BCL7C: variants seen among roughly 807,000 people sequenced by gnomAD.
The protein encoded by BCL7C is B-cell CLL/lymphoma 7 protein family member C.
Under a neutral mutation model 26.2 loss-of-function variants are expected in BCL7C, and 8 were observed. The ratio of observed to expected loss-of-function variants is 0.30; its 90% CI spans 0.18 to 0.55. The LOEUF is 0.55. BCL7C is among the 20% of genes least tolerant of loss of function. BCL7C has a pLI of 0.93. For synonymous variants in BCL7C, 90 were observed against 116.5 expected, an observed-to-expected ratio of 0.77 and a Z score of 1.47; for missense variants, 262 against 298.5, an observed-to-expected ratio of 0.88 and a Z score of 0.90.
intron 5 of BCL7C, among the ~76,000 whole-genome samples, chr16:30,882,500 A>G (rs1033050645): frequency 7.9e-5 from 12 of 152,012 alleles, no homozygotes; most frequent in Non-Finnish European, 1.8e-4. Flanking sequence ...AGACTTGAAA[A>G]CTGCTTTGGC....
intron 5 of BCL7C, among the ~76,000 whole-genome samples, chr16:30,877,896 C>G (rs1380114282): frequency 6.6e-6 from 1 of 150,840 alleles, no homozygotes; most frequent in South Asian, 2.1e-4. Flanking sequence ...GGCCCTTGGC[C>G]GGGCGCAGTG....
intron 5 of BCL7C, among the ~76,000 whole-genome samples, chr16:30,882,054 G>A (rs2143098995): frequency 6.6e-6 from 1 of 151,894 alleles, no homozygotes; most frequent in African/African-American, 2.4e-5. Flanking sequence ...TCCGCCTCCA[G>A]GGTTCAAGTG....
chr16:30,864,832 TC>T (rs1265117396), intron 5 of BCL7C, among the ~76,000 whole-genome samples: 3 of 137,314 alleles, frequency 2.2e-5, no homozygotes, highest in Middle Eastern at 4.6e-3. Flanking sequence ...CGATATATTC[TC>T]CCCCCCACCC....
intron 5 of BCL7C, among the ~76,000 whole-genome samples, chr16:30,836,877 C>T (rs1181128563): frequency 6.6e-6 from 1 of 151,684 alleles, no homozygotes; most frequent in African/African-American, 2.4e-5. Flanking sequence ...CACTGCATCC[C>T]CTGCCTACCA....
At chr16:30,863,509 G>T (rs72799321) in intron 5 of BCL7C, among the ~76,000 whole-genome samples, 22,818 of 152,122 alleles carry the variant, frequency 0.15, 2,198 homozygotes, top group Non-Finnish European at 0.22. Flanking sequence ...TCCAAAGGAA[G>T]CTGGAGTCAA....
At chr16:30,850,259 C>CA (rs1295400069) in intron 5 of BCL7C, among the ~76,000 whole-genome samples, 3 of 151,658 alleles carry the variant, frequency 2.0e-5, no homozygotes, top group Non-Finnish European at 2.9e-5. Context: ...ATATGCCTTC[C>CA]AAATTGCTGG....
At chr16:30,876,650 C>T (rs2054954471) in intron 5 of BCL7C, among the ~76,000 whole-genome samples, 1 of 151,944 alleles carries the variant, frequency 6.6e-6, no homozygotes, top group African/African-American at 2.4e-5. Flanking sequence ...GTTTGAAGGT[C>T]AGGGAACCTT....
At chr16:30,842,732 C>A (rs1439952334) in intron 5 of BCL7C, among the ~76,000 whole-genome samples, 1 of 152,146 alleles carries the variant, frequency 6.6e-6, no homozygotes, top group African/African-American at 2.4e-5. Context: ...CCGCTCCCAG[C>A]TAATTTTTTG....
At chr16:30,837,493 G>A (rs541120988) in intron 5 of BCL7C, among the ~76,000 whole-genome samples, 28 of 151,990 alleles carry the variant, frequency 1.8e-4, no homozygotes, top group Admixed American at 3.9e-4. Context: ...GATTACAGGC[G>A]CCCACCACCA....
At position 30,893,868 on chromosome 16, in the gene BCL7C, T is replaced by C. The variant is rs747017961; in HGVS notation, c.77A>G (p.Glu26Gly). ...CAGCGCTCACCATCTCCGGACCTTC[T>C]CGATGGTCGCCATCACCTTCTTGAT... ...DDIKKVMATI[E>G]KVRRWEKRWV... The change falls in exon 1 of 6, where the codon GAG (glutamate) becomes GGG (glycine). Residue 26 changes from glutamate to glycine, a missense_variant. Physicochemically the swap from Glu to Gly is moderately conservative, Grantham distance 98. Coordinates refer to ENST00000215115, the MANE Select transcript of BCL7C (RefSeq NM_004765.4). The surrounding 1 kb of genome is among the most constrained non-coding windows in gnomAD (Gnocchi z 5.2). 3.1e-6 allele frequency: 5 copies of C among 1,602,282 alleles called. No individual in the cohort carries two copies. The highest frequency in any genetic ancestry group is 3.4e-6 in the Non-Finnish European group (4 of 1,179,186).
In BCL7C at chr16:30,893,084, C is replaced by G. The variant is rs962293372; in HGVS notation, c.171+128G>C. The G allele has an allele frequency of 2.4e-6, 3 of 1,229,868 alleles. No individual in the cohort carries two copies. The African/African-American group carries it at 4.5e-5, about 19-fold the overall frequency. 76.2% of individuals were successfully genotyped at this position (1,229,868 alleles called of 1,614,324 possible). On this transcript the variant is annotated intron_variant, in intron 2 of 5. Transcript: ENST00000215115. The surrounding 1 kb of genome is among the most constrained non-coding windows in gnomAD (Gnocchi z 5.2). ...AAAGAGGGCAAAAGGGGAGGAGCTG[C>G]TAATGATGGTTCCCGTCTGTCCTGC... is the stretch of plus-strand genomic sequence containing the variant.
intron 5 of BCL7C, among the ~76,000 whole-genome samples, chr16:30,862,117 T>C (rs1228764750): frequency 1.3e-5 from 2 of 152,034 alleles, no homozygotes; most frequent in African/African-American, 4.8e-5. Context: ...ATTACAGGTG[T>C]GAGCCACCGC....
chr16:30,859,415 C>G (rs953348916), intron 5 of BCL7C, among the ~76,000 whole-genome samples: 2 of 152,152 alleles, frequency 1.3e-5, no homozygotes, highest in African/African-American at 4.8e-5. Flanking sequence ...GCTAGCAGTT[C>G]AAGACCAGCC....
At chr16:30,852,194 T>C (rs1315869205) in intron 5 of BCL7C, 2 of 155,446 alleles carry the variant, frequency 1.3e-5, no homozygotes, top group Admixed American at 1.3e-4. Flanking sequence ...GTACTATATG[T>C]TCATTAGCAG....
Position 30,893,273 on chromosome 16 carries a change from G to A in BCL7C, c.110C>T (p.Thr37Ile), listed in dbSNP as rs1470877744. 6.2e-7 allele frequency: 1 copy of A among 1,613,518 alleles called. No homozygotes were observed. The highest frequency in any genetic ancestry group is 8.5e-7 in the Non-Finnish European group (1 of 1,179,712). The change falls in exon 2 of 6, where the codon ACT (threonine) becomes ATT (isoleucine). Residue 37 changes from threonine to isoleucine, a missense_variant. Thr to Ile is a moderately conservative substitution (Grantham distance 89). Coordinates refer to ENST00000215115, the MANE Select transcript of BCL7C (RefSeq NM_004765.4). This position sits in a 1 kb window ranked among gnomAD's most constrained non-coding sequence, Gnocchi z 5.2. Reference sequence around the variant, plus strand: ...GATACGAAGGGAAGTGTCGCCCACAGTCACCCATCGCTTCTCCCTGTGGGA... The same window carrying A: ...GATACGAAGGGAAGTGTCGCCCACAATCACCCATCGCTTCTCCCTGTGGGA... ...KVRRWEKRWVTVGDTSLRIFK... is the reference protein window; with the variant it reads ...KVRRWEKRWVIVGDTSLRIFK...
intron 5 of BCL7C, 114 bp downstream of exon 5, chr16:30,888,746 T>C (rs1000901449): frequency 3.2e-6 from 3 of 926,802 alleles, no homozygotes; most frequent in Non-Finnish European, 3.3e-6. Context: ...CCTTCAGCTC[T>C]GTCCCAGGTC....
intron 5 of BCL7C, chr16:30,851,909 G>A (rs2054678133): frequency 5.0e-6 from 1 of 199,674 alleles, no homozygotes. Context: ...TAGAATAAGA[G>A]AAGATGACAC....
chr16:30,868,345 G>A (rs534654689), intron 5 of BCL7C, among the ~76,000 whole-genome samples: 8 of 145,558 alleles, frequency 5.5e-5, no homozygotes, highest in South Asian at 2.2e-4. Flanking sequence ...CACCATGTTA[G>A]CCAGGATGGT....
downstream of BCL7C, among the ~76,000 whole-genome samples, chr16:30,885,760 A>G (rs2055123385): frequency 6.6e-6 from 1 of 152,150 alleles, no homozygotes; most frequent in Non-Finnish European, 1.5e-5. Flanking sequence ...CAGTGATAAG[A>G]AACAGTTACA....
Sources: gnomAD v4.1 joint callset for allele counts (sites outside exome capture counted in the v4.1 genomes callset) on GRCh38, gnomAD v4.1.1 for gene constraint, Gnocchi (gnomAD v3.1) non-coding constraint, MANE v1.5 for transcripts, NCBI Gene and HGNC (gene_info 2026-07-23, HGNC 2026-07-21) for gene names.